Variants in RABL6 observed in about 807,000 individuals in gnomAD.
RABL6 encodes the protein RAB, member RAS oncogene family like 6.
In RABL6, 28 loss-of-function variants were observed where a neutral mutation model predicts 72.9. The ratio of observed to expected loss-of-function variants is 0.38; its 90% confidence interval spans 0.28 to 0.53. RABL6 has a LOEUF of 0.53. Among genes scored for constraint, RABL6 ranks in the 20% least tolerant of loss-of-function variants. RABL6 has a pLI of 0.80. For missense variants in RABL6, 1,029 were observed against 1,008.4 expected, an observed-to-expected ratio of 1.02 and a Z score of -0.28; for synonymous variants, 477 against 421.2, an observed-to-expected ratio of 1.13 and a Z score of -1.62.
chr9:136,822,932 C>CA (rs1372421920), intron 1 of RABL6, among the ~76,000 whole-genome samples: 2 of 152,040 alleles, frequency 1.3e-5, no homozygotes, highest in East Asian at 1.9e-4. Flanking sequence ...ACTAAAAATA[C>CA]AAAAAATTAG....
rs1318496002 is a variant in RABL6 at position 136,821,989 on chromosome 9, G to A, written c.131-1536G>A. The A allele has an allele frequency of 2.1e-5, 27 of 1,289,632 alleles. No individual in the cohort carries two copies. The South Asian group carries it at 2.2e-4, about 11-fold the overall frequency. 79.9% of individuals were successfully genotyped at this position (1,289,632 alleles called of 1,614,324 possible). On this transcript the variant is annotated intron_variant, in intron 1 of 14. Coordinates refer to ENST00000311502, the MANE Select transcript of RABL6 (RefSeq NM_024718.5). ...GACCAGAGGCGTTGAAAGTTGGCGC[G>A]TTGAGGTACCTAGGATGGGCGAGGA...
chr9:136,825,981 C>T (rs546968192), intron 3 of RABL6, among the ~76,000 whole-genome samples, 155 bp downstream of exon 3: 6 of 152,266 alleles, frequency 3.9e-5, no homozygotes, highest in African/African-American at 7.2e-5. Context: ...CATCCAGTGG[C>T]GACCCCGCAG....
chr9:136,822,664 A>G (rs1384956285), intron 1 of RABL6, among the ~76,000 whole-genome samples: 1 of 151,264 alleles, frequency 6.6e-6, no homozygotes. Context: ...CCCCCATCAC[A>G]TTTTCAAAAC....
chr9:136,821,737 A>G (rs1385783320), intron 1 of RABL6: 1 of 1,142,054 alleles, frequency 8.8e-7, no homozygotes, highest in Non-Finnish European at 1.1e-6. Flanking sequence ...TGTGCTCTCC[A>G]CAGGCCGGGC....
chr9:136,813,899 G>A (rs1220539503), intron 1 of RABL6: 3 of 291,032 alleles, frequency 1.0e-5, no homozygotes, highest in South Asian at 9.1e-5. Context: ...ACAGGTGTGA[G>A]CCACTGCGCC....
chr9:136,835,898 G>A (rs780395216), intron 8 of RABL6, 53 bp downstream of exon 8: 15 of 1,478,070 alleles, frequency 1.0e-5, no homozygotes, highest in African/African-American at 2.8e-5. Context: ...GGGCGTGGCC[G>A]TGGTGCAGGG....
chr9:136,815,724 A>G (rs945806392), intron 1 of RABL6, among the ~76,000 whole-genome samples: 1 of 152,204 alleles, frequency 6.6e-6, no homozygotes, highest in Non-Finnish European at 1.5e-5. Flanking sequence ...TGCATCTGAG[A>G]TAAATCATAA....
Position 136,835,864 on chromosome 9 carries a change from C to T in RABL6, c.809+19C>T. The T allele has an allele frequency of 6.5e-7, 1 of 1,548,086 alleles. No individual in the cohort carries two copies. The highest frequency in any genetic ancestry group is 1.4e-5 in the African/African-American group (1 of 73,088). On this transcript the variant is annotated intron_variant, in intron 8 of 14. Transcript: ENST00000311502. ...ACGGCATGTATGTGGCCGGACCCGC[C>T]CGTGCGGGCGGTGTGGGGGCTGCGG...
At chr9:136,808,828 C>T (rs1452796442) in intron 1 of RABL6, 1 of 101,868 alleles carries the variant, frequency 9.8e-6, no homozygotes, top group African/African-American at 3.9e-5. Flanking sequence ...AGCTACGCCA[C>T]ACATTCTCGC....
At chr9:136,837,173 C>T (rs1848598213) in intron 8 of RABL6, 173 bp from the exon 9 acceptor site, 6 of 787,082 alleles carry the variant, frequency 7.6e-6, no homozygotes, top group Non-Finnish European at 1.3e-5. Flanking sequence ...CCGTGCCTGG[C>T]TGGCACTGCT....
Position 136,837,735 on chromosome 9 carries a change from G to A in RABL6, c.1126+73G>A, listed in dbSNP as rs147504935. 314 of 1,545,232 alleles carry A rather than the reference G, an allele frequency of 2.0e-4. 1 individual carries two copies. In the African/African-American group the frequency reaches 4.0e-3, roughly 20 times the overall value. On this transcript the variant is annotated intron_variant, in intron 9 of 14. Transcript: ENST00000311502. ...CCTCACAGGTGGGGTCCTGGATTTC[G>A]GAGCGCTCCACGCTTCTTCCTGCTT...
intron 1 of RABL6, chr9:136,813,031 T>G: frequency 2.7e-6 from 1 of 372,712 alleles, no homozygotes; most frequent in Non-Finnish European, 5.3e-6. Flanking sequence ...ACTGTTGCCA[T>G]CTACAGAGCC....
intron 1 of RABL6, chr9:136,808,576 C>T (rs1454427260): frequency 3.0e-5 from 7 of 232,958 alleles, no homozygotes; most frequent in Non-Finnish European, 5.7e-5. Flanking sequence ...CGTGTCGCTC[C>T]CGCCGCGCTG....
In RABL6 at chr9:136,829,421, A is replaced by T. The variant is rs1244722226; in HGVS notation, c.395A>T (p.Glu132Val). The T allele has an allele frequency of 6.3e-7, 1 of 1,581,692 alleles. No individual in the cohort carries two copies. ...GAGTCTGAAATGGCCCTGGATGCTG[A>T]GTTCCTGGACGTGTACAAGAACTGC... Reference protein sequence around the residue: ...EAESEMALDAEFLDVYKNCNG... With the variant: ...EAESEMALDAVFLDVYKNCNG... Residue 132 changes from glutamate to valine, a missense_variant, in exon 5 of 15, where the codon GAG becomes GTG. Physicochemically the swap from Glu to Val is moderately radical, Grantham distance 121 (BLOSUM62 -2). Around this residue, in one of 2 missense-constraint regions of RABL6, gnomAD observed 434 missense variants for 536.1 expected, o/e 0.81. Transcript: ENST00000311502.
intron 1 of RABL6, chr9:136,821,868 T>C: frequency 7.2e-6 from 9 of 1,254,064 alleles, no homozygotes; most frequent in Non-Finnish European, 8.2e-6. Context: ...CGGAGCCTCC[T>C]GGCTGCCCCC....
intron 1 of RABL6, among the ~76,000 whole-genome samples, chr9:136,817,360 A>G (rs1848140618): frequency 6.6e-6 from 1 of 152,252 alleles, no homozygotes; most frequent in South Asian, 2.1e-4. Context: ...AAACATCCAC[A>G]GCTAGATACA....
chr9:136,808,487 C>T, intron 1 of RABL6, 161 bp downstream of exon 1: 1 of 779,596 alleles, frequency 1.3e-6, no homozygotes. Flanking sequence ...GGCCAGGGGA[C>T]GCGAGGAGAG....
In RABL6 at chr9:136,835,747, G is replaced by A; in HGVS notation, c.711G>A (p.Glu237=). 2 of 1,549,494 alleles carry A rather than the reference G, an allele frequency of 1.3e-6. No individual in the cohort carries two copies. The highest frequency in any genetic ancestry group is 1.7e-6 in the Non-Finnish European group (2 of 1,147,094). ...TGCGTGCTCCCTTTCTGCAGAGGGA[G>A]ACGCTGTTGCGGCAGCTGGAGACGA... ...FNIPFLQLQR[E]TLLRQLETNQ... is the part of the protein sequence containing the mutation. The change falls in exon 8 of 15, where the codon GAG becomes GAA. Residue 237 remains glutamate (E), a synonymous_variant. Transcript: ENST00000311502.
chr9:136,808,390 C>T, intron 1 of RABL6, 64 bp downstream of exon 1: 2 of 1,381,726 alleles, frequency 1.4e-6, no homozygotes, highest in Non-Finnish European at 1.9e-6. Flanking sequence ...AGGCCCCGGG[C>T]GCCGCGCGGT....
Sources: gnomAD v4.1 joint callset for allele counts (sites outside exome capture counted in the v4.1 genomes callset) on GRCh38, gnomAD v4.1.1 for gene constraint, gnomAD v4.1.1 regional missense constraint, MANE v1.5 for transcripts, NCBI Gene and HGNC (gene_info 2026-07-23, HGNC 2026-07-21) for gene names.